The following SYNE2 variants were observed in gnomAD, a reference collection of about 807,000 sequenced individuals.
SYNE2 encodes spectrin repeat containing nuclear envelope protein 2.
In SYNE2, 431 loss-of-function variants were observed where a neutral mutation model predicts 856.3. The ratio of observed to expected loss-of-function variants is 0.50; its 90% CI spans 0.47 to 0.55. SYNE2 has a LOEUF of 0.55. Ranked by LOEUF, SYNE2 falls within the 20% of genes least tolerant of loss-of-function variation. The probability of loss-of-function intolerance (pLI) is 0.00; values close to 1 mark genes in which losing one functional copy is unlikely to be tolerated. For missense variants in SYNE2, 8,129 were observed against 8,023.2 expected, an observed-to-expected ratio of 1.01 and a Z score of -0.50; for synonymous variants, 2,923 against 2,872.3, an observed-to-expected ratio of 1.02 and a Z score of -0.56.
At chr14:64,041,106 T>C (rs2097145185) in intron 45 of SYNE2, among the ~76,000 whole-genome samples, 1 of 152,190 alleles carries the variant, frequency 6.6e-6, no homozygotes, top group Non-Finnish European at 1.5e-5. Flanking sequence ...CTAGCTGAAT[T>C]ATCATTCTAG....
In SYNE2 at chr14:64,030,154, G is replaced by C. The variant is rs3866737; in HGVS notation, c.6879+95G>C. On this transcript the variant is annotated intron_variant, in intron 44 of 115. Transcript: ENST00000555002. The stretch of plus-strand genomic sequence containing the variant: ...TCAGTGTCCTCTGTCAGAAATTCCA[G>C]TGGTATTCAGATGACTCTTAGGTAA... 0.91 allele frequency: 1,137,319 copies of C among 1,250,628 alleles called. 518,051 individuals carry two copies. The highest frequency in any genetic ancestry group is 0.93 in the Admixed American group (48,957 of 52,658). The allele number at this position is 1,250,628 out of a possible 1,614,324, so 77.5% of individuals were successfully genotyped here.
chr14:63,762,435 C>CAA (rs71120281), intron 1 of SYNE2, among the ~76,000 whole-genome samples: 1,328 of 63,998 alleles, frequency 0.021, 18 homozygotes, highest in African/African-American at 0.026. Flanking sequence ...AACTCCATCT[C>CAA]AAAAAAAAAA....
intron 63 of SYNE2, among the ~76,000 whole-genome samples, chr14:64,100,707 C>T (rs2097721344): frequency 6.6e-6 from 1 of 150,634 alleles, no homozygotes. Flanking sequence ...CTACTCTCTT[C>T]ATGATTTTCA....
At chr14:64,164,445 C>T (rs909920158) in intron 89 of SYNE2, among the ~76,000 whole-genome samples, 2 of 152,064 alleles carry the variant, frequency 1.3e-5, no homozygotes, top group Admixed American at 6.6e-5. Flanking sequence ...GATGGGGTTT[C>T]GCCACATTGG....
In SYNE2 at chr14:64,159,584, G is replaced by T. The variant is rs186135568; in HGVS notation, c.16094+142G>T. The T allele has an allele frequency of 3.0e-3, 2,911 of 959,724 alleles. 12 individuals carry two copies. Among genetic ancestry groups the T allele is most frequent in the Admixed American group, 7.3e-3 (350 of 47,984 alleles). The allele number at this position is 959,724 out of a possible 1,614,324, so 59.5% of individuals were successfully genotyped here. A position where few individuals can be genotyped will look rare whatever the true frequency, so the allele number is the denominator to read the frequency against. On this transcript the variant is annotated intron_variant, in intron 87 of 115. Coordinates refer to ENST00000555002, the MANE Select transcript of SYNE2 (RefSeq NM_182914.3). The stretch of plus-strand genomic sequence containing the variant: ...CTGTTCTGGTCTCTTCTGCTTTGAT[G>T]AATCTAGTCTATGTAAGATTCTATG...
chr14:64,190,029 T>C (rs2098510863), intron 98 of SYNE2, 42 bp from the exon 99 acceptor site: 1 of 1,610,828 alleles, frequency 6.2e-7, no homozygotes, highest in African/African-American at 1.3e-5. Flanking sequence ...GAAATGAGTT[T>C]GGGCTAATTA....
chr14:64,143,252 G>A (rs61987284), intron 82 of SYNE2, among the ~76,000 whole-genome samples: 2,151 of 152,294 alleles, frequency 0.014, 22 homozygotes, highest in South Asian at 0.022. Context: ...GGTGGGTTTA[G>A]GATTGCTGTA....
rs2096831447 is a variant in SYNE2, at chr14:64,010,051, G to A, written c.4663G>A (p.Glu1555Lys). The A allele has an allele frequency of 6.2e-7, 1 of 1,613,952 alleles. No homozygotes were observed. Reference protein sequence around the residue: ...SILTTLIQKEESVISLQASYM... With the variant: ...SILTTLIQKEKSVISLQASYM... ...CTTGACAACTTTGATTCAAAAAGAA[G>A]AGAGTGTCATCTCCCTGCAGGCTTC... Residue 1555 changes from glutamate (E) to lysine (K), a missense_variant, in exon 32 of 116, where the codon GAG (glutamate) becomes AAG (lysine). This residue lies in a region of SYNE2 where 2,422 missense variants were observed against 2,357.4 expected (regional missense o/e 1.03). Transcript: ENST00000555002.
chr14:63,885,245 G>A (rs1236720415), intron 1 of SYNE2, among the ~76,000 whole-genome samples: 19 of 152,154 alleles, frequency 1.2e-4, no homozygotes, highest in African/African-American at 3.4e-4. Flanking sequence ...TAGTAGAGGC[G>A]ATTATTGAGC....
rs75308395 is a variant in SYNE2 at position 64,065,685 on chromosome 14, C to T, written c.10431+35C>T. On this transcript the variant is annotated intron_variant, in intron 51 of 115. Coordinates refer to ENST00000555002, the MANE Select transcript of SYNE2 (RefSeq NM_182914.3). ...TCATTTTCAACAAACCATGTAGTTT[C>T]TAACATGTTATTTAAATTGTTTTAT... 5,709 of 1,607,960 alleles carry T rather than the reference C, an allele frequency of 3.6e-3. 13 individuals carry two copies. The highest frequency in any genetic ancestry group is 4.3e-3 in the Non-Finnish European group (5,033 of 1,175,618).
chr14:63,909,612 C>T (rs373549102), intron 2 of SYNE2, among the ~76,000 whole-genome samples: 38 of 152,062 alleles, frequency 2.5e-4, no homozygotes, highest in African/African-American at 7.7e-4. Flanking sequence ...GAGGCCGAGG[C>T]GGGCGGATCA....
intron 57 of SYNE2, chr14:64,087,469 T>C (rs1244083999): frequency 6.8e-6 from 5 of 737,566 alleles, no homozygotes; most frequent in Non-Finnish European, 1.0e-5. Flanking sequence ...ATGTTTCTTA[T>C]TATGTTACAG....
At chr14:63,992,628 C>G (rs2153488445) in intron 21 of SYNE2, among the ~76,000 whole-genome samples, 1 of 152,212 alleles carries the variant, frequency 6.6e-6, no homozygotes, top group East Asian at 1.9e-4. Context: ...GTTTTCACAC[C>G]ATTTTCCTCT....
In SYNE2 at chr14:64,223,414, T is replaced by C. The variant is rs769312279; in HGVS notation, c.20382+34T>C. The C allele has an allele frequency of 2.5e-6, 4 of 1,610,434 alleles. No individual in the cohort carries two copies. In the South Asian group the frequency reaches 4.4e-5, roughly 18 times the overall value. On this transcript the variant is annotated intron_variant, in intron 113 of 115. Transcript: ENST00000555002. ...ACTTGTAGCTTTTAACTGTAAAGAT[T>C]GCCGTATTACATGCAGACAGGACAG...
chr14:64,019,338 G>C (rs1458899325), intron 34 of SYNE2, among the ~76,000 whole-genome samples: 1 of 151,598 alleles, frequency 6.6e-6, no homozygotes, highest in Non-Finnish European at 1.5e-5. Context: ...AGTTATATGT[G>C]GTTCAACGTA....
rs150328638 is a variant in SYNE2 at position 64,186,434 on chromosome 14, A to G, written c.17567A>G (p.Gln5856Arg). ...NEKELIKELE[Q>R]SLASWTQNLK... Reference sequence around the variant, plus strand: ...TGTGATTAAATGCAGGAACTAGAACAGTCTTTGGCTAGCTGGACTCAGAAC... The same window carrying G: ...TGTGATTAAATGCAGGAACTAGAACGGTCTTTGGCTAGCTGGACTCAGAAC... The change falls in exon 97 of 116, where the codon CAG becomes CGG. Residue 5856 changes from glutamine (Q) to arginine (R), a missense_variant. Gln to Arg is a conservative substitution (Grantham distance 43, BLOSUM62 1). Coordinates refer to ENST00000555002, the MANE Select transcript of SYNE2 (RefSeq NM_182914.3). 6.8e-6 allele frequency: 11 copies of G among 1,614,102 alleles called. No individual in the cohort carries two copies. The highest frequency in any genetic ancestry group is 9.3e-6 in the Non-Finnish European group (11 of 1,180,034).
intron 99 of SYNE2, among the ~76,000 whole-genome samples, chr14:64,200,268 G>T (rs952827908): frequency 6.6e-6 from 1 of 152,186 alleles, no homozygotes; most frequent in Non-Finnish European, 1.5e-5. Flanking sequence ...GATGAAGGCC[G>T]TGGGAGATTT....
At chr14:64,170,154 C>G in intron 93 of SYNE2, 74 bp from the exon 94 acceptor site, 1 of 1,386,740 alleles carries the variant, frequency 7.2e-7, no homozygotes, top group Non-Finnish European at 1.0e-6. Context: ...TGAATCTGAG[C>G]TGCTATTACC....
chr14:63,975,969 G>A (rs1007677274), intron 11 of SYNE2, among the ~76,000 whole-genome samples: 10 of 152,226 alleles, frequency 6.6e-5, no homozygotes, highest in African/African-American at 2.4e-4. Context: ...AGAGTACAGC[G>A]AGTATTTGGA....
Sources: gnomAD v4.1 joint callset for allele counts (sites outside exome capture counted in the v4.1 genomes callset) on GRCh38, gnomAD v4.1.1 for gene constraint, gnomAD v4.1.1 regional missense constraint, MANE v1.5 for transcripts, NCBI Gene and HGNC (gene_info 2026-07-23, HGNC 2026-07-21) for gene names.